Variants in KTN1 observed in about 807,000 individuals in gnomAD.
The protein encoded by KTN1 is kinectin.
In KTN1, 130 loss-of-function variants were observed where a neutral mutation model predicts 222.5. That is an observed-to-expected ratio of 0.58 (90% confidence interval 0.51 to 0.68). The LOEUF (loss-of-function observed/expected upper bound fraction) is 0.68, where lower values mean the gene tolerates loss of function less well. KTN1 is among the 30% of genes least tolerant of loss of function. The pLI is 0.00. For missense variants in KTN1, 1,508 were observed against 1,500.4 expected (o/e 1.01, Z -0.08); for synonymous variants, 512 against 496.3 (o/e 1.03, Z -0.42).
intron 24 of KTN1, 71 bp downstream of exon 24, chr14:55,650,708 C>G: frequency 8.3e-7 from 1 of 1,202,116 alleles, no homozygotes; most frequent in Non-Finnish European, 1.2e-6. Flanking sequence ...GATTTTTTTT[C>G]TTGTTACTCA....
At position 55,637,881 on chromosome 14, in the gene KTN1, A is replaced by G. The variant is rs1363950893; in HGVS notation, c.1785+34A>G. The stretch of plus-strand genomic sequence containing the variant: ...GCTTTCTTATTGCTTATGATTAATA[A>G]CTTGCAGCCATTTAAACACTCACCT... On this transcript the variant is annotated intron_variant, in intron 12 of 43. Transcript: ENST00000395314. The G allele has an allele frequency of 2.0e-6, 3 of 1,531,662 alleles. No homozygotes were observed. The South Asian group carries it at 3.4e-5, about 18-fold the overall frequency. 94.9% of individuals were successfully genotyped at this position (1,531,662 alleles called of 1,614,324 possible).
intron 14 of KTN1, 56 bp downstream of exon 14, chr14:55,640,059 C>T (rs1324160904): frequency 3.0e-6 from 3 of 991,110 alleles, no homozygotes; most frequent in African/African-American, 3.2e-5. Flanking sequence ...ATTTAAATTA[C>T]TTTGATGCAC....
chr14:55,627,946 A>G lies in KTN1; in HGVS notation c.998A>G (p.Gln333Arg), dbSNP rs780576179. Residue 333 changes from glutamine (Q) to arginine (R), a missense_variant, in exon 6 of 44, where the codon CAG (glutamine) becomes CGG (arginine). Transcript: ENST00000395314. The stretch of plus-strand genomic sequence containing the variant: ...GGAGAATTGACTACGCTTATACATC[A>G]GCTTCAAGAAAAGGACAAGTTACTC... Reference protein sequence around the residue: ...SKGELTTLIHQLQEKDKLLAA... With the variant: ...SKGELTTLIHRLQEKDKLLAA... The G allele has an allele frequency of 6.2e-7, 1 of 1,613,516 alleles. No individual in the cohort carries two copies.
At chr14:55,640,508 A>T (rs767969751) in intron 15 of KTN1, 66 bp downstream of exon 15, 105 of 1,111,404 alleles carry the variant, frequency 9.4e-5, no homozygotes, top group Non-Finnish European at 1.3e-4. Flanking sequence ...ATTTTCATTG[A>T]TATTGTGAGC....
At position 55,637,321 on chromosome 14, in the gene KTN1, A is replaced by T. The variant is rs1169002407; in HGVS notation, c.1673A>T (p.Gln558Leu). The T allele has an allele frequency of 6.2e-7, 1 of 1,607,906 alleles. No individual in the cohort carries two copies. The highest frequency in any genetic ancestry group is 1.3e-5 in the African/African-American group (1 of 74,636). Residue 558 changes from glutamine (Q) to leucine (L), a missense_variant, in exon 11 of 44, where the codon CAG becomes CTG. Gln to Leu is a moderately radical substitution (Grantham distance 113, BLOSUM62 -2). Coordinates refer to ENST00000395314, the MANE Select transcript of KTN1 (RefSeq NM_001079521.2). ...CTAATGCAGTTAATGGAATCAGAGC[A>T]GAAAAGGGTGAACAAAGAAGAGTCT... ...QRLMQLMESE[Q>L]KRVNKEESLQ...
At chr14:55,583,896 T>TA (rs2032331926) in intron 1 of KTN1, among the ~76,000 whole-genome samples, 1 of 152,208 alleles carries the variant, frequency 6.6e-6, no homozygotes, top group Non-Finnish European at 1.5e-5. Context: ...CCTGACTTAT[T>TA]TCTTTCACAC....
chr14:55,664,992 A>ATT (rs34864410), intron 33 of KTN1, among the ~76,000 whole-genome samples: 2 of 147,260 alleles, frequency 1.4e-5, no homozygotes, highest in South Asian at 2.1e-4. Flanking sequence ...AGTTCTGTAA[A>ATT]TTTTTTTTTT....
At chr14:55,605,152 T>G (rs2036550520) in intron 1 of KTN1, among the ~76,000 whole-genome samples, 3 of 152,234 alleles carry the variant, frequency 2.0e-5, no homozygotes, top group Admixed American at 6.5e-5. Context: ...GTTTTCTTAT[T>G]AGTTGTTCCA....
chr14:55,634,754 A>C, intron 9 of KTN1, 96 bp downstream of exon 9: 1 of 1,035,496 alleles, frequency 9.7e-7, no homozygotes. Flanking sequence ...AGACTGGGTA[A>C]ATTTTTAAGG....
intron 7 of KTN1, 77 bp downstream of exon 7, chr14:55,630,174 T>C (rs1566750104): frequency 3.9e-6 from 5 of 1,268,394 alleles, no homozygotes; most frequent in Non-Finnish European, 5.7e-6. Flanking sequence ...GGCTAGTATG[T>C]ACAAGGCCCT....
chr14:55,607,193 G>A (rs545739604), intron 1 of KTN1, among the ~76,000 whole-genome samples: 35 of 152,274 alleles, frequency 2.3e-4, no homozygotes, highest in African/African-American at 8.4e-4. Flanking sequence ...ATTTAACTCA[G>A]TGATGTGTCT....
chr14:55,619,774 G>A lies in KTN1; in HGVS notation c.963+462G>A, dbSNP rs1422310697. 2.6e-5 allele frequency among the ~76,000 whole-genome samples: 4 copies of A among 152,102 alleles called. No homozygotes were observed. In the South Asian group the frequency reaches 6.2e-4, roughly 24 times the overall value. On this transcript the variant is annotated intron_variant, in intron 5 of 43. Coordinates refer to ENST00000395314, the MANE Select transcript of KTN1 (RefSeq NM_001079521.2). ...CCCACAACACATGGGAATTATGGGA[G>A]CTACAATTCAGGATGAGATTTGGGT...
At chr14:55,590,899 C>A (rs2033999715) in intron 1 of KTN1, among the ~76,000 whole-genome samples, 1 of 152,160 alleles carries the variant, frequency 6.6e-6, no homozygotes, top group African/African-American at 2.4e-5. Flanking sequence ...TGGTCTCGAT[C>A]TCCTGACCTT....
At chr14:55,630,451 C>T (rs2040384351) in intron 7 of KTN1, among the ~76,000 whole-genome samples, 1 of 152,064 alleles carries the variant, frequency 6.6e-6, no homozygotes, top group Admixed American at 6.5e-5. Context: ...GAAATGGGCA[C>T]TGAGGATAAG....
At chr14:55,653,477 G>A (rs2043147954) in intron 27 of KTN1, 82 bp from the exon 28 acceptor site, 2 of 1,012,924 alleles carry the variant, frequency 2.0e-6, no homozygotes. Flanking sequence ...TTTTATTGGT[G>A]GGTGATTCCA....
intron 3 of KTN1, 45 bp from the exon 4 acceptor site, chr14:55,617,918 GT>G (rs781225964): frequency 7.3e-7 from 1 of 1,378,286 alleles, no homozygotes; most frequent in Non-Finnish European, 1.0e-6. Context: ...CATTTACTCT[GT>G]TTTGTAAAAA....
chr14:55,640,936 G>C lies in KTN1; in HGVS notation c.1987G>C (p.Ala663Pro). 1 of 1,612,080 alleles carries C rather than the reference G, an allele frequency of 6.2e-7. No homozygotes were observed. The highest frequency in any genetic ancestry group is 8.5e-7 in the Non-Finnish European group (1 of 1,178,660). The part of the protein sequence containing the change: ...KLQALANEQA[A>P]AAHELEKMQQ... The stretch of plus-strand genomic sequence containing the variant: ...TTTCTTCTCATTCCACACACAGGCT[G>C]CTGCTGCACATGAATTGGAGAAGAT... The change falls in exon 16 of 44, where the codon GCT becomes CCT. Residue 663 changes from alanine to proline, a missense_variant. Physicochemically the swap from Ala to Pro is conservative, Grantham distance 27. Transcript: ENST00000395314.
In KTN1 at chr14:55,612,093, A is replaced by T. The variant is rs957871972; in HGVS notation, c.45A>T (p.Ser15=). 1 of 1,537,790 alleles carries T rather than the reference A, an allele frequency of 6.5e-7. No homozygotes were observed. The highest frequency in any genetic ancestry group is 1.4e-5 in the African/African-American group (1 of 71,372). ...CATATTTTATTGTTCTTATTCCTTC[A>T]ATAGTTATTACAGTAATTTTCCTCT... ...ESAYFIVLIP[S]IVITVIFLFF... Residue 15 remains serine, a synonymous_variant, in exon 2 of 44, where the codon TCA becomes TCT. Coordinates refer to ENST00000395314, the MANE Select transcript of KTN1 (RefSeq NM_001079521.2).
intron 32 of KTN1, chr14:55,662,893 T>A (rs893715006): frequency 2.9e-5 from 13 of 455,956 alleles, no homozygotes; most frequent in Non-Finnish European, 5.7e-5. Flanking sequence ...ATTATTGGAC[T>A]TCTGAGATAA....
Sources: allele counts gnomAD v4.1 joint callset (sites outside exome capture counted in the v4.1 genomes callset), GRCh38; gene constraint gnomAD v4.1.1; transcripts MANE v1.5; gene names NCBI Gene and HGNC (gene_info 2026-07-23, HGNC 2026-07-21).